Variants in HELB observed in about 807,000 individuals in gnomAD.
HELB encodes the protein DNA 5'-3' helicase B.
HELB carries 96 observed loss-of-function variants against 101.7 expected under a neutral mutation model. The observed-to-expected ratio is 0.94, with a 90% CI of 0.80 to 1.12. HELB has a LOEUF of 1.12. HELB is among the 50% of genes most tolerant of loss of function. HELB has a pLI of 0.00. For synonymous variants in HELB, 437 were observed against 459.7 expected, an observed-to-expected ratio of 0.95 and a Z score of 0.63; for missense variants, 1,210 against 1,291.9, an observed-to-expected ratio of 0.94 and a Z score of 0.97.
At chr12:66,307,824 C>T (rs1371214712) in intron 3 of HELB, among the ~76,000 whole-genome samples, 1 of 151,384 alleles carries the variant, frequency 6.6e-6, no homozygotes, top group South Asian at 2.1e-4. Context: ...CTCCACCTCC[C>T]GGGTTCAAGC....
At chr12:66,324,766 G>A in intron 10 of HELB, 1 of 510,692 alleles carries the variant, frequency 2.0e-6, no homozygotes, top group South Asian at 2.3e-5. Flanking sequence ...TTGAAGATAA[G>A]TTTCAAAGAC....
rs1168329 is a variant in HELB at position 66,338,084 on chromosome 12, C to A, written c.3246C>A (p.Thr1082=). 718,522 of 1,557,608 alleles carry A rather than the reference C, an allele frequency of 0.46. 169,947 individuals carry two copies. Among genetic ancestry groups the A allele is most frequent in the Admixed American group, 0.6 (36,110 of 59,752 alleles). ...NLIPRQLFKP[T]DNQET ...TTCCCAGGCAACTTTTCAAGCCCAC[C>A]GATAATCAAGAAACTTAGTTTTATT... Residue 1082 remains threonine (T), a synonymous_variant, in exon 13 of 13, where the codon ACC becomes ACA. Transcript: ENST00000247815.
intron 11 of HELB, among the ~76,000 whole-genome samples, chr12:66,325,597 C>T (rs564360613): frequency 1.8e-4 from 27 of 152,238 alleles, no homozygotes; most frequent in African/African-American, 5.3e-4. Context: ...GTCTGCCTCC[C>T]GCCTTCCTCC....
In HELB at chr12:66,302,799, G is replaced by A. The variant is rs371698706; in HGVS notation, c.187+9G>A. On this transcript the variant is annotated intron_variant, in intron 1 of 12. Coordinates refer to ENST00000247815, the MANE Select transcript of HELB (RefSeq NM_001370285.1). Reference sequence around the variant, plus strand: ...CCCCGGGTGCCTCCGCGGTGAGGAAGGCGTCTGCCCGGGGGATGGGGTTGG... The same window carrying A: ...CCCCGGGTGCCTCCGCGGTGAGGAAAGCGTCTGCCCGGGGGATGGGGTTGG... The A allele has an allele frequency of 7.5e-6, 12 of 1,600,298 alleles. No individual in the cohort carries two copies. The highest frequency in any genetic ancestry group is 1.0e-5 in the Non-Finnish European group (12 of 1,172,270).
At chr12:66,324,842 A>T (rs2053716740) in intron 10 of HELB, 141 bp from the exon 11 acceptor site, 3 of 1,006,994 alleles carry the variant, frequency 3.0e-6, no homozygotes, top group Non-Finnish European at 3.0e-6. Context: ...CTGAAATGCA[A>T]ATTTTAAGCC....
rs148579722 is a variant in HELB, at chr12:66,302,767, G to A, written c.164G>A (p.Gly55Asp). 2.0e-3 allele frequency: 3,294 copies of A among 1,612,260 alleles called. 7 individuals are homozygous for A. Among genetic ancestry groups the A allele is most frequent in the Middle Eastern group, 4.5e-3 (27 of 6,050 alleles). The change falls in exon 1 of 13, where the codon GGC becomes GAC. Residue 55 changes from glycine (G) to aspartate (D), a missense_variant. Gly to Asp is a moderately conservative substitution (Grantham distance 94). Coordinates refer to ENST00000247815, the MANE Select transcript of HELB (RefSeq NM_001370285.1). ...CTCTGCAGTGGGGGCGTAAAGGCTG[G>A]CAGCCTCCCCGGGTGCCTCCGCGGT... ...EELCSGGVKA[G>D]SLPGCLRVSI...
At chr12:66,325,193 C>T (rs10878408) in intron 11 of HELB, 67 bp downstream of exon 11, 16 of 1,180,436 alleles carry the variant, frequency 1.4e-5, no homozygotes, top group East Asian at 4.8e-5. Context: ...GCATTGTTTT[C>T]GTAAATTTTT....
At chr12:66,331,757 A>G in intron 12 of HELB, 112 bp downstream of exon 12, 1 of 1,057,358 alleles carries the variant, frequency 9.5e-7, no homozygotes, top group East Asian at 2.4e-5. Flanking sequence ...TTGGACTTAA[A>G]AACAATTGTT....
Position 66,310,669 on chromosome 12 carries a change from C to T in HELB, c.1680+61C>T, listed in dbSNP as rs1035109023. On this transcript the variant is annotated intron_variant, in intron 4 of 12. Coordinates refer to ENST00000247815, the MANE Select transcript of HELB (RefSeq NM_001370285.1). ...TTTGTCGGCCGGGCACAGTGGCTCA[C>T]GCCTGTAATCCCAGAACTTTTGGGA... 7.0e-5 allele frequency: 103 copies of T among 1,468,870 alleles called. 1 individual carries two copies. The highest frequency in any genetic ancestry group is 1.8e-4 in the Middle Eastern group (1 of 5,556). The allele number at this position is 1,468,870 out of a possible 1,614,324, so 91.0% of individuals were successfully genotyped here. A position where few individuals can be genotyped will look rare whatever the true frequency, so the allele number is the denominator to read the frequency against.
chr12:66,338,506 G>C (rs949723711), downstream of HELB: 1 of 163,204 alleles, frequency 6.1e-6, no homozygotes, highest in Non-Finnish European at 1.3e-5. Flanking sequence ...TATGGGTGTG[G>C]TAGCACATGC....
chr12:66,306,563 T>C (rs770262681), intron 3 of HELB, 49 bp downstream of exon 3: 23 of 1,364,884 alleles, frequency 1.7e-5, no homozygotes, highest in Non-Finnish European at 2.1e-5. Context: ...TAAGGCATGG[T>C]TTCAGATTTG....
intron 11 of HELB, among the ~76,000 whole-genome samples, chr12:66,329,367 C>T (rs756844413): frequency 5.3e-5 from 8 of 152,174 alleles, no homozygotes; most frequent in Admixed American, 4.6e-4. Context: ...AGCTTCCAGC[C>T]TGTGATAGAG....
chr12:66,318,753 G>A lies in HELB; in HGVS notation c.2116G>A (p.Asp706Asn). The A allele has an allele frequency of 1.2e-6, 2 of 1,610,568 alleles. No homozygotes were observed. The highest frequency in any genetic ancestry group is 1.3e-5 in the African/African-American group (1 of 74,852). ...TATTTTTGTCAGGCTCCCAGAAGAG[G>A]ATGCCAGTTCTCAGTCATCTAAAAC... ...TFIFVRLPEE[D>N]ASSQSSKTNH... Residue 706 changes from aspartate to asparagine, a missense_variant, in exon 7 of 13, where the codon GAT (aspartate) becomes AAT (asparagine). By Grantham distance (23) the Asp-to-Asn change is conservative. Around this residue, in one of 2 missense-constraint regions of HELB, gnomAD observed 740 missense variants for 728.8 expected, o/e 1.02. Coordinates refer to ENST00000247815, the MANE Select transcript of HELB (RefSeq NM_001370285.1).
Position 66,306,337 on chromosome 12 carries a change from T to C in HELB, c.608-8T>C, listed in dbSNP as rs2053475046. ...TGTTTTACTTTGTTCCTTTCTGATA[T>C]CTTGTAGTTCCATTTAGAAATGTAA... On this transcript the variant is annotated splice_region_variant and splice_polypyrimidine_tract_variant and intron_variant, in intron 2 of 12. Coordinates refer to ENST00000247815, the MANE Select transcript of HELB (RefSeq NM_001370285.1). 1 of 1,552,338 alleles carries C rather than the reference T, an allele frequency of 6.4e-7. No homozygotes were observed. Among genetic ancestry groups the C allele is most frequent in the African/African-American group, 1.4e-5 (1 of 72,154 alleles).
At chr12:66,330,571 A>G (rs2053793951) in intron 11 of HELB, among the ~76,000 whole-genome samples, 1 of 148,782 alleles carries the variant, frequency 6.7e-6, no homozygotes, top group Admixed American at 6.7e-5. Flanking sequence ...GTCTATATAT[A>G]TATATAGATA....
Position 66,313,969 on chromosome 12 carries a change from C to T in HELB, c.1681-17C>T. 1 of 1,610,846 alleles carries T rather than the reference C, an allele frequency of 6.2e-7. No individual in the cohort carries two copies. Among genetic ancestry groups the T allele is most frequent in the East Asian group, 2.2e-5 (1 of 44,828 alleles). ...ATTTTATAACCTGACTTTAGGAATG[C>T]CATACTTTGCTTGTAGGTCAATTAT... On this transcript the variant is annotated splice_polypyrimidine_tract_variant and intron_variant, in intron 4 of 12. Transcript: ENST00000247815.
chr12:66,314,430 T>G (rs1160703942), intron 5 of HELB, among the ~76,000 whole-genome samples: 2 of 152,132 alleles, frequency 1.3e-5, no homozygotes, highest in Non-Finnish European at 2.9e-5. Context: ...ATTAAAATAG[T>G]AAAAGTGCCA....
intron 3 of HELB, among the ~76,000 whole-genome samples, chr12:66,308,523 C>T (rs1055939600): frequency 3.9e-5 from 6 of 152,200 alleles, no homozygotes; most frequent in Non-Finnish European, 5.9e-5. Flanking sequence ...AGAACAAGTA[C>T]TGCTGACTGG....
At chr12:66,306,880 G>C (rs1260538627) in intron 3 of HELB, among the ~76,000 whole-genome samples, 2 of 152,062 alleles carry the variant, frequency 1.3e-5, no homozygotes, top group Admixed American at 1.3e-4. Flanking sequence ...TTACAAATTT[G>C]GCAAGTCCAT....
Sources: gnomAD v4.1 joint callset for allele counts (sites outside exome capture counted in the v4.1 genomes callset) on GRCh38, gnomAD v4.1.1 for gene constraint, gnomAD v4.1.1 regional missense constraint, MANE v1.5 for transcripts, NCBI Gene and HGNC (gene_info 2026-07-23, HGNC 2026-07-21) for gene names.